The following TLN1 variants were observed in gnomAD, a reference collection of about 807,000 sequenced individuals.
The protein encoded by TLN1 is talin-1.
A neutral mutation model predicts 292.3 loss-of-function variants in TLN1; 56 were observed. That is an observed-to-expected ratio of 0.19 (90% CI 0.15 to 0.24). TLN1 has a LOEUF of 0.24. Ranked by LOEUF, TLN1 falls within the 10% of genes least tolerant of loss-of-function variation. The pLI, the probability that TLN1 is intolerant of heterozygous loss-of-function variation, is 1.00. For synonymous variants in TLN1, 1,119 were observed against 1,253.7 expected, an observed-to-expected ratio of 0.89 and a Z score of 2.27; for missense variants, 2,433 against 3,248.2, an observed-to-expected ratio of 0.75 and a Z score of 6.10.
rs147936487 is a variant in TLN1, at chr9:35,706,731, C to T, written c.5088+37G>A. On this transcript the variant is annotated intron_variant, in intron 38 of 56. Coordinates refer to ENST00000314888, the MANE Select transcript of TLN1 (RefSeq NM_006289.4). The surrounding 1 kb of genome is among the most constrained non-coding windows in gnomAD (Gnocchi z 4.2). ...TTCTTTGAGTCTGATATTTCTCTTC[C>T]TAGACACATCTTTCCATATAACCCT... The T allele has an allele frequency of 1.9e-6, 3 of 1,606,140 alleles. No homozygotes were observed. The highest frequency in any genetic ancestry group is 2.6e-6 in the Non-Finnish European group (3 of 1,176,312).
At chr9:35,715,026 C>A in intron 21 of TLN1, 33 bp downstream of exon 21, 1 of 1,612,530 alleles carries the variant, frequency 6.2e-7, no homozygotes, top group Non-Finnish European at 8.5e-7. Context: ...CACCCACACT[C>A]TCTCTTGCTC....
At position 35,704,339 on chromosome 9, in the gene TLN1, C is replaced by T; in HGVS notation, c.6040G>A (p.Asp2014Asn). 6.2e-7 allele frequency: 1 copy of T among 1,613,112 alleles called. No individual in the cohort carries two copies. Among genetic ancestry groups the T allele is most frequent in the Non-Finnish European group, 8.5e-7 (1 of 1,179,446 alleles). Reference protein sequence around the residue: ...LNREGTETFADHREGILKTAK... With the variant: ...LNREGTETFANHREGILKTAK... ...GCCCAGTTCCTGTCTTACCGGTGGTCAGCGAAAGTTTCAGTACCCTCACGA... is the reference window on the plus strand; with the variant it reads ...GCCCAGTTCCTGTCTTACCGGTGGTTAGCGAAAGTTTCAGTACCCTCACGA... Residue 2014 changes from aspartate (D) to asparagine (N), a missense_variant, in exon 45 of 57, where the codon GAC (aspartate) becomes AAC (asparagine). By Grantham distance (23) the Asp-to-Asn change is conservative (BLOSUM62 1). Coordinates refer to ENST00000314888, the MANE Select transcript of TLN1 (RefSeq NM_006289.4). This position sits in a 1 kb window ranked among gnomAD's most constrained non-coding sequence, Gnocchi z 6.9.
In TLN1 at chr9:35,715,455, C is replaced by G. The variant is rs143550650; in HGVS notation, c.2626-268G>C. 5.2e-3 allele frequency among the ~76,000 whole-genome samples: 798 copies of G among 152,318 alleles called. 8 individuals carry two copies. Among genetic ancestry groups the G allele is most frequent in the African/African-American group, 0.018 (737 of 41,560 alleles). On this transcript the variant is annotated intron_variant, in intron 20 of 56. Transcript: ENST00000314888. ...CTTCCCCTCCTTGGGGAATACCACACGAGTGAGGTGAGTAGGGCTTCCTGG... is the reference window on the plus strand; with the variant it reads ...CTTCCCCTCCTTGGGGAATACCACAGGAGTGAGGTGAGTAGGGCTTCCTGG...
In TLN1 at chr9:35,706,352, C is replaced by A. The variant is rs535930797; in HGVS notation, c.5205G>T (p.Ala1735=). ...SQLGHKVSQM[A]QYFEPLTLAA... ...CCAGGGTGAGCGGCTCAAAGTACTG[C>A]GCCATCTGGGACACCTGAGGCAAGG... The change falls in exon 40 of 57, where the codon GCG becomes GCT. Residue 1735 remains alanine, a synonymous_variant. Coordinates refer to ENST00000314888, the MANE Select transcript of TLN1 (RefSeq NM_006289.4). The surrounding 1 kb of genome is among the most constrained non-coding windows in gnomAD (Gnocchi z 4.2). 7 of 1,609,600 alleles carry A rather than the reference C, an allele frequency of 4.3e-6. No individual in the cohort carries two copies. In the African/African-American group the frequency reaches 6.7e-5, roughly 15 times the overall value.
chr9:35,720,433 T>G lies in TLN1; in HGVS notation c.1283A>C (p.Lys428Thr). The G allele has an allele frequency of 6.2e-7, 1 of 1,613,854 alleles. No homozygotes were observed. Among genetic ancestry groups the G allele is most frequent in the Non-Finnish European group, 8.5e-7 (1 of 1,179,832 alleles). The change falls in exon 12 of 57, where the codon AAG becomes ACG. Residue 428 changes from lysine to threonine, a missense_variant and splice_region_variant. Transcript: ENST00000314888. ...TMLEDSVSPK[K>T]STVLQQQYNR... ...GGGATCAGCCCAACTCCCTTCGTAC[T>G]TTTTGGGGGACACTGAGTCCTCCAG...
Position 35,717,647 on chromosome 9 carries a change from G to A in TLN1, c.2135C>T (p.Ser712Phe). The A allele has an allele frequency of 6.2e-7, 1 of 1,613,982 alleles. No individual in the cohort carries two copies. The highest frequency in any genetic ancestry group is 8.5e-7 in the Non-Finnish European group (1 of 1,179,884). Residue 712 changes from serine (S) to phenylalanine (F), a missense_variant, in exon 18 of 57, where the codon TCC becomes TTC. Ser to Phe is a radical substitution (Grantham distance 155). Around this residue, in one of 7 missense-constraint regions of TLN1, gnomAD observed 617 missense variants for 770.6 expected, o/e 0.80. Transcript: ENST00000314888. This position sits in a 1 kb window ranked among gnomAD's most constrained non-coding sequence, Gnocchi z 4.7. Reference sequence around the variant, plus strand: ...AGTACAGGCCACTAGTTGGGAAGTGGATAGGGCACACTGTGTTGCTGCAGC... The same window carrying A: ...AGTACAGGCCACTAGTTGGGAAGTGAATAGGGCACACTGTGTTGCTGCAGC... ...VIAAATQCAL[S>F]TSQLVACTKV...
Position 35,706,103 on chromosome 9 carries a change from A to G in TLN1, c.5370T>C (p.Ala1790=), listed in dbSNP as rs893969483. 5.6e-6 allele frequency: 9 copies of G among 1,613,952 alleles called. No homozygotes were observed. The highest frequency in any genetic ancestry group is 1.3e-5 in the African/African-American group (1 of 74,910). Residue 1790 remains alanine, a synonymous_variant, in exon 41 of 57, where the codon GCT becomes GCC. Coordinates refer to ENST00000314888, the MANE Select transcript of TLN1 (RefSeq NM_006289.4). The surrounding 1 kb of genome is among the most constrained non-coding windows in gnomAD (Gnocchi z 4.2). The stretch of plus-strand genomic sequence containing the variant: ...CCTCCTCCAGGGCTTCCTGGGTGTG[A>G]GCTGCTTGCTGTGGGGAGAGGAGAG... ...KEAGGNPKQA[A]HTQEALEEAV... is the part of the protein sequence containing the mutation.
rs1825592088 is a variant in TLN1, at chr9:35,707,772, C to T, written c.4591G>A (p.Glu1531Lys). The T allele has an allele frequency of 5.6e-6, 9 of 1,614,170 alleles. No individual in the cohort carries two copies. The highest frequency in any genetic ancestry group is 7.6e-6 in the Non-Finnish European group (9 of 1,180,030). Residue 1531 changes from glutamate to lysine, a missense_variant, in exon 35 of 57, where the codon GAG becomes AAG. Glu to Lys is a moderately conservative substitution (Grantham distance 56). Transcript: ENST00000314888. The surrounding 1 kb of genome is among the most constrained non-coding windows in gnomAD (Gnocchi z 5.6). ...AGATTAGCTGTGCTGTTGGCCACCTCCTTGGCTGACTGTACAAACTGGCGC... is the reference window on the plus strand; with the variant it reads ...AGATTAGCTGTGCTGTTGGCCACCTTCTTGGCTGACTGTACAAACTGGCGC... ...AKRQFVQSAK[E>K]VANSTANLVK...
rs759314155 is a variant in TLN1, at chr9:35,720,095, G to A, written c.1408C>T (p.Pro470Ser). The change falls in exon 13 of 57, where the codon CCT becomes TCT. Residue 470 changes from proline (P) to serine (S), a missense_variant. Physicochemically the swap from Pro to Ser is moderately conservative, Grantham distance 74. Coordinates refer to ENST00000314888, the MANE Select transcript of TLN1 (RefSeq NM_006289.4). ...CCGCTGGTAATCTGCTGCTGGGCAG[G>A]GGGCATGCTGCCCACCTGGAAATTC... Reference protein sequence around the residue: ...PENFQVGSMPPAQQQITSGQM... With the variant: ...PENFQVGSMPSAQQQITSGQM... 1.2e-6 allele frequency: 2 copies of A among 1,610,262 alleles called. No individual in the cohort carries two copies. Among genetic ancestry groups the A allele is most frequent in the Non-Finnish European group, 1.7e-6 (2 of 1,178,320 alleles).
Position 35,711,404 on chromosome 9 carries a change from G to A in TLN1, c.3880-10C>T, listed in dbSNP as rs777840740. On this transcript the variant is annotated splice_polypyrimidine_tract_variant and intron_variant, in intron 29 of 56. Coordinates refer to ENST00000314888, the MANE Select transcript of TLN1 (RefSeq NM_006289.4). ...CTCGGTCCTCCTGGCTCTGTTGAAG[G>A]TGACAAGGTCAATGCATTGTCCTGT... is the stretch of plus-strand genomic sequence containing the variant. 6.2e-7 allele frequency: 1 copy of A among 1,614,190 alleles called. No homozygotes were observed. The highest frequency in any genetic ancestry group is 8.5e-7 in the Non-Finnish European group (1 of 1,180,026).
Position 35,724,291 on chromosome 9 carries a change from T to TA in TLN1, c.554dup (p.Glu186ArgfsTer37), listed in dbSNP as rs1213802513. On this transcript the variant is annotated frameshift_variant, in exon 6 of 57. Coordinates refer to ENST00000314888, the MANE Select transcript of TLN1 (RefSeq NM_006289.4). LOFTEE classifies it high-confidence loss of function. This position sits in a 1 kb window ranked among gnomAD's most constrained non-coding sequence, Gnocchi z 4.7. ...GCAGCAGCAGCGTCTCGTGCTCCTC[T>TA]ACACCCTGCTCCCTCAGTGTCCGAC... The TA allele has an allele frequency of 6.2e-7, 1 of 1,614,216 alleles. No individual in the cohort carries two copies.
At chr9:35,705,517 G>T in intron 43 of TLN1, 34 bp downstream of exon 43, 1 of 1,538,308 alleles carries the variant, frequency 6.5e-7, no homozygotes. Context: ...GGAACAAGGG[G>T]CAGGGGGCAG....
intron 10 of TLN1, among the ~76,000 whole-genome samples, chr9:35,721,447 T>C (rs1822773791): frequency 1.3e-5 from 2 of 152,360 alleles, no homozygotes; most frequent in Middle Eastern, 3.4e-3. Flanking sequence ...ATTTTTGTTC[T>C]GCTGATTTTA....
chr9:35,719,899 G>A lies in TLN1; in HGVS notation c.1465-46C>T. ...ACAGGGACTGGAATGGATGTTTGGA[G>A]AAAAGAGAAGGTAAAAGAGAACCAG... On this transcript the variant is annotated intron_variant, in intron 13 of 56. Transcript: ENST00000314888. The surrounding 1 kb of genome is among the most constrained non-coding windows in gnomAD (Gnocchi z 4.6). 1 of 1,568,884 alleles carries A rather than the reference G, an allele frequency of 6.4e-7. No homozygotes were observed. The highest frequency in any genetic ancestry group is 8.7e-7 in the Non-Finnish European group (1 of 1,154,314).
At position 35,706,057 on chromosome 9, in the gene TLN1, C is replaced by T; in HGVS notation, c.5416G>A (p.Ala1806Thr). 1 of 1,614,194 alleles carries T rather than the reference C, an allele frequency of 6.2e-7. No individual in the cohort carries two copies. Among genetic ancestry groups the T allele is most frequent in the Non-Finnish European group, 8.5e-7 (1 of 1,180,028 alleles). Residue 1806 changes from alanine (A) to threonine (T), a missense_variant, in exon 41 of 57, where the codon GCC becomes ACC. By Grantham distance (58) the Ala-to-Thr change is moderately conservative. Transcript: ENST00000314888. This position sits in a 1 kb window ranked among gnomAD's most constrained non-coding sequence, Gnocchi z 4.2. ...AGGGTTGTTGTCAGGTCCTCTACGG[C>T]CTCGGTCATCATCTGCACAGCCTCC... ...LEEAVQMMTE[A>T]VEDLTTTLNE...
At chr9:35,720,362 C>T in intron 12 of TLN1, 71 bp downstream of exon 12, 1 of 1,572,968 alleles carries the variant, frequency 6.4e-7, no homozygotes, top group Non-Finnish European at 8.7e-7. Flanking sequence ...CCCCACCTCC[C>T]AAGAGTCCTT....
Position 35,714,797 on chromosome 9 carries a change from G to A in TLN1, c.2834C>T (p.Ser945Phe). The A allele has an allele frequency of 6.3e-7, 1 of 1,582,964 alleles. No homozygotes were observed. Among genetic ancestry groups the A allele is most frequent in the Non-Finnish European group, 8.6e-7 (1 of 1,164,204 alleles). ...AQHAASTPKA[S>F]AGPQPLLVQS... ...CACCAGCAGGGGCTGGGGGCCGGCA[G>A]AGGCCTTGGGGGTAGAGGCTGCGTG... is the stretch of plus-strand genomic sequence containing the variant. The change falls in exon 22 of 57, where the codon TCT (serine) becomes TTT (phenylalanine). Residue 945 changes from serine (S) to phenylalanine (F), a missense_variant. By Grantham distance (155) the Ser-to-Phe change is radical. This residue lies in a region of TLN1 where 617 missense variants were observed against 770.6 expected (regional missense o/e 0.80). Coordinates refer to ENST00000314888, the MANE Select transcript of TLN1 (RefSeq NM_006289.4). This position sits in a 1 kb window ranked among gnomAD's most constrained non-coding sequence, Gnocchi z 4.6.
intron 33 of TLN1, among the ~76,000 whole-genome samples, chr9:35,709,886 CAAAAAAAAAAAAAAAA>C (rs546437173): frequency 4.7e-4 from 6 of 12,848 alleles, no homozygotes; most frequent in Admixed American, 2.0e-3. Context: ...AACTCGGTCT[CAAAAAAAAAAAAAAAA>C]AAAAAAAAAA....
At position 35,711,478 on chromosome 9, in the gene TLN1, T is replaced by C. The variant is rs1825666866; in HGVS notation, c.3880-84A>G. On this transcript the variant is annotated intron_variant, in intron 29 of 56. Coordinates refer to ENST00000314888, the MANE Select transcript of TLN1 (RefSeq NM_006289.4). ...GGATCTTCTTTCCCAGACACTCAAG[T>C]AGTGCTAGAGACTGGGGAGGGAAGG... 39 of 1,606,528 alleles carry C rather than the reference T, an allele frequency of 2.4e-5. No homozygotes were observed. In the South Asian group the frequency reaches 4.3e-4, roughly 18 times the overall value.
Sources: gnomAD v4.1 joint callset for allele counts (sites outside exome capture counted in the v4.1 genomes callset) on GRCh38, gnomAD v4.1.1 for gene constraint, gnomAD v4.1.1 regional missense constraint, Gnocchi (gnomAD v3.1) non-coding constraint, MANE v1.5 for transcripts, NCBI Gene and HGNC (gene_info 2026-07-23, HGNC 2026-07-21) for gene names.